The following IGSF10 variants were observed in gnomAD, a reference collection of about 807,000 sequenced individuals.
IGSF10 encodes the protein calvaria mechanical force protein 608.
IGSF10 carries 126 observed loss-of-function variants against 128.2 expected under a neutral mutation model. That is an observed-to-expected ratio of 0.98 (90% CI 0.85 to 1.14). IGSF10 has a LOEUF of 1.14. Among genes scored for constraint, IGSF10 ranks in the 50% most tolerant of loss-of-function variants. The pLI, the probability that IGSF10 is intolerant of heterozygous loss-of-function variation, is 0.00. For missense variants in IGSF10, 3,295 were observed against 3,149.8 expected, an observed-to-expected ratio of 1.05 and a Z score of -1.10; for synonymous variants, 1,185 against 1,146.2, an observed-to-expected ratio of 1.03 and a Z score of -0.68.
chr3:151,577,217 AC>A, the IGSF10 span, among the ~76,000 whole-genome samples: 3 of 152,080 alleles, frequency 2.0e-5, no homozygotes, highest in Non-Finnish European at 2.9e-5. Context: ...TCTGGTAGTT[AC>A]CTTTTTTGAG....
chr3:151,454,211 TTTCAC>T (rs1445898421), intron 4 of IGSF10, among the ~76,000 whole-genome samples: 6 of 151,904 alleles, frequency 3.9e-5, no homozygotes, highest in Non-Finnish European at 1.5e-5. Context: ...AGAGATGGGG[TTTCAC>T]CATGTTGGCA....
At chr3:151,596,691 G>A in the IGSF10 span, among the ~76,000 whole-genome samples, 1 of 152,098 alleles carries the variant, frequency 6.6e-6, no homozygotes, top group African/African-American at 2.4e-5. Flanking sequence ...ATTGAACAAT[G>A]GGCCCAATTT....
At chr3:151,469,234 A>G in the IGSF10 span, among the ~76,000 whole-genome samples, 1 of 152,172 alleles carries the variant, frequency 6.6e-6, no homozygotes, top group East Asian at 1.9e-4. Flanking sequence ...AATGATTTAC[A>G]TTCCTTTGGG....
chr3:151,515,928 G>T, the IGSF10 span, among the ~76,000 whole-genome samples: 1 of 151,788 alleles, frequency 6.6e-6, no homozygotes, highest in African/African-American at 2.4e-5. Context: ...ATGTTTCATG[G>T]TTATATAAAA....
chr3:151,585,865 G>A, the IGSF10 span, among the ~76,000 whole-genome samples: 1 of 151,944 alleles, frequency 6.6e-6, no homozygotes, highest in Non-Finnish European at 1.5e-5. Flanking sequence ...CCATTACCTG[G>A]ACAACAAATT....
chr3:151,464,122 G>A (rs981525047), upstream of IGSF10, among the ~76,000 whole-genome samples: 6 of 152,266 alleles, frequency 3.9e-5, no homozygotes, highest in East Asian at 1.9e-4. Context: ...TGAGCATAGC[G>A]ACTCTGAGTT....
chr3:151,580,324 G>A, the IGSF10 span, among the ~76,000 whole-genome samples: 1 of 152,068 alleles, frequency 6.6e-6, no homozygotes, highest in East Asian at 1.9e-4. Flanking sequence ...CACTATAAGA[G>A]AACTTAAAGG....
At chr3:151,517,416 G>T in the IGSF10 span, among the ~76,000 whole-genome samples, 11 of 151,972 alleles carry the variant, frequency 7.2e-5, no homozygotes, top group African/African-American at 2.7e-4. Flanking sequence ...CAAACTCTTG[G>T]TATTATCCTC....
intron 7 of IGSF10, among the ~76,000 whole-genome samples, chr3:151,442,648 C>T (rs1393004577): frequency 6.6e-6 from 1 of 151,446 alleles, no homozygotes; most frequent in Non-Finnish European, 1.5e-5. Context: ...CTCGGCCTCC[C>T]AAAGTGCTAG....
At chr3:151,590,001 T>G in the IGSF10 span, among the ~76,000 whole-genome samples, 1 of 152,084 alleles carries the variant, frequency 6.6e-6, no homozygotes, top group Non-Finnish European at 1.5e-5. Context: ...AAACTGGTTT[T>G]GGGAAAAAGA....
chr3:151,447,333 T>C lies in IGSF10; in HGVS notation c.2648A>G (p.Gln883Arg). The C allele has an allele frequency of 1.2e-6, 2 of 1,614,226 alleles. No individual in the cohort carries two copies. The highest frequency in any genetic ancestry group is 1.7e-6 in the Non-Finnish European group (2 of 1,180,042). Residue 883 changes from glutamine to arginine, a missense_variant, in exon 6 of 8, where the codon CAA becomes CGA. By Grantham distance (43) the Gln-to-Arg change is conservative (BLOSUM62 1). Coordinates refer to ENST00000282466, the MANE Select transcript of IGSF10 (RefSeq NM_178822.5). ...NINPTMSSQI[Q>R]GTTNQHSSTV... is the part of the protein sequence containing the mutation. ...GGATGAATGTTGATTGGTTGTGCCTTGTATTTGGCTTGACATGGTTGGGTT... is the reference window on the plus strand; with the variant it reads ...GGATGAATGTTGATTGGTTGTGCCTCGTATTTGGCTTGACATGGTTGGGTT...
At chr3:151,475,509 A>G in the IGSF10 span, among the ~76,000 whole-genome samples, 339 of 152,344 alleles carry the variant, frequency 2.2e-3, no homozygotes, top group African/African-American at 7.2e-3. Flanking sequence ...TATGCCTGTA[A>G]CATTTGGCCT....
chr3:151,457,301 T>G, intron 3 of IGSF10, 146 bp from the exon 4 acceptor site: 1 of 759,794 alleles, frequency 1.3e-6, no homozygotes, highest in Admixed American at 2.8e-5. Context: ...AAAACTGAAA[T>G]TCACCAGATG....
chr3:151,487,491 A>T, the IGSF10 span, among the ~76,000 whole-genome samples: 1 of 152,196 alleles, frequency 6.6e-6, no homozygotes, highest in Non-Finnish European at 1.5e-5. Flanking sequence ...TGAGGCCAGC[A>T]TCATCCTGAT....
chr3:151,435,058 G>GT (rs1719958061), downstream of IGSF10: 1 of 124,586 alleles, frequency 8.0e-6, no homozygotes, highest in African/African-American at 3.2e-5. Context: ...ATCTTGAGAG[G>GT]TTTCTTTTTT....
chr3:151,487,202 C>A, the IGSF10 span, among the ~76,000 whole-genome samples: 1 of 152,124 alleles, frequency 6.6e-6, no homozygotes, highest in African/African-American at 2.4e-5. Flanking sequence ...ACTATAAACA[C>A]CTCTATGCAA....
chr3:151,551,950 A>G, the IGSF10 span, among the ~76,000 whole-genome samples: 1 of 152,128 alleles, frequency 6.6e-6, no homozygotes, highest in Admixed American at 6.6e-5. Flanking sequence ...ATCAAATCCA[A>G]TGCTCATAAT....
At chr3:151,465,736 A>AC (rs202045860), upstream of IGSF10, among the ~76,000 whole-genome samples, 2,195 of 152,300 alleles carry the variant, frequency 0.014, 26 homozygotes, top group African/African-American at 0.03. Context: ...TCCAGAGGAT[A>AC]CCAATGGTGC....
Position 151,457,041 on chromosome 3 carries a change from A to G in IGSF10, c.309T>C (p.Asp103=). The part of the protein sequence containing the change: ...IHTIPDKTFS[D]LQALQVLKMS... ...TCAGTCTCACCTGCAAGGCCTGCAA[A>G]TCTGAGAAGGTCTTGTCAGGGATTG... Residue 103 remains aspartate, a synonymous_variant, in exon 4 of 8, where the codon GAT becomes GAC. Transcript: ENST00000282466. 3 of 1,614,152 alleles carry G rather than the reference A, an allele frequency of 1.9e-6. No homozygotes were observed. The highest frequency in any genetic ancestry group is 1.6e-4 in the Middle Eastern group (1 of 6,062).
Sources: gnomAD v4.1 joint callset for allele counts (sites outside exome capture counted in the v4.1 genomes callset) on GRCh38, gnomAD v4.1.1 for gene constraint, MANE v1.5 for transcripts, NCBI Gene and HGNC (gene_info 2026-07-23, HGNC 2026-07-21) for gene names.